APOB: variants seen among roughly 807,000 people sequenced by gnomAD.
APOB encodes apolipoprotein B-100.
APOB carries 153 observed loss-of-function variants against 314.1 expected under a neutral mutation model. The observed-to-expected ratio is 0.49, with a 90% CI of 0.43 to 0.56. APOB has a LOEUF of 0.56. APOB is among the 20% of genes least tolerant of loss of function. The pLI is 0.00. For missense variants in APOB, 5,430 were observed against 5,350.7 expected (o/e 1.01, Z -0.46); for synonymous variants, 2,087 against 2,036.4 (o/e 1.02, Z -0.67).
In APOB at chr2:21,033,194, G is replaced by A; in HGVS notation, c.1124+105C>T. 3 of 839,840 alleles carry A rather than the reference G, an allele frequency of 3.6e-6. No homozygotes were observed. In the South Asian group the frequency reaches 4.3e-5, roughly 12 times the overall value. The allele number at this position is 839,840 out of a possible 1,614,324, so 52.0% of individuals were successfully genotyped here. On this transcript the variant is annotated intron_variant, in intron 9 of 28. Coordinates refer to ENST00000233242, the MANE Select transcript of APOB (RefSeq NM_000384.3). ...AACTGATTGACTAATTGATTAACTG[G>A]ATTGATATCCAAATGGTCCCTGAGA... is the stretch of plus-strand genomic sequence containing the variant.
At position 21,006,498 on chromosome 2, in the gene APOB, G is replaced by C. The variant is rs778985735; in HGVS notation, c.10370C>G (p.Ser3457Cys). 22 of 1,614,108 alleles carry C rather than the reference G, an allele frequency of 1.4e-5. No homozygotes were observed. The highest frequency in any genetic ancestry group is 1.3e-5 in the Non-Finnish European group (15 of 1,179,976). Reference sequence around the variant, plus strand: ...ATTGAAATCATACTTAAATTCCATGGAGGAAGAGACAGTAGGTTTTGACTT... The same window carrying C: ...ATTGAAATCATACTTAAATTCCATGCAGGAAGAGACAGTAGGTTTTGACTT... ...NTKSKPTVSS[S>C]MEFKYDFNSS... is the part of the protein sequence containing the mutation. The change falls in exon 26 of 29, where the codon TCC (serine) becomes TGC (cysteine). Residue 3457 changes from serine to cysteine, a missense_variant. This residue lies in a region of APOB where 3,281 missense variants were observed against 3,171.0 expected (regional missense o/e 1.03). Coordinates refer to ENST00000233242, the MANE Select transcript of APOB (RefSeq NM_000384.3).
In APOB at chr2:21,004,668, T is replaced by A. The variant is rs1387927841; in HGVS notation, c.11796A>T (p.Gly3932=). The change falls in exon 27 of 29, where the codon GGA becomes GGT. Residue 3932 remains glycine, a synonymous_variant. Coordinates refer to ENST00000233242, the MANE Select transcript of APOB (RefSeq NM_000384.3). ...QFLEYELNVL[G]THKIEDGTLA... ...ACGTACCATCTTCGATTTTGTGTGT[T>A]CCCAAAACTGTATAGGAGAGATTTT... The A allele has an allele frequency of 6.2e-7, 1 of 1,611,466 alleles. No individual in the cohort carries two copies. The highest frequency in any genetic ancestry group is 1.7e-5 in the Admixed American group (1 of 60,004).
chr2:21,035,969 C>A (rs1029451142), intron 6 of APOB, among the ~76,000 whole-genome samples: 1 of 152,240 alleles, frequency 6.6e-6, no homozygotes, highest in Admixed American at 6.5e-5. Flanking sequence ...CATCCCACCA[C>A]ATAGCCCCTC....
At chr2:21,015,705 CA>C (rs1443182935) in intron 21 of APOB, among the ~76,000 whole-genome samples, 160 bp from the exon 22 acceptor site, 1 of 152,118 alleles carries the variant, frequency 6.6e-6, no homozygotes, top group Non-Finnish European at 1.5e-5. Context: ...AGCCAACATT[CA>C]GCACAAATTA....
At chr2:21,024,849 G>C (rs1421476779) in intron 16 of APOB, 84 bp downstream of exon 16, 6 of 1,424,502 alleles carry the variant, frequency 4.2e-6, no homozygotes, top group Non-Finnish European at 5.0e-6. Flanking sequence ...GGCTTGTGCA[G>C]CTGGGATCGT....
intron 18 of APOB, among the ~76,000 whole-genome samples, chr2:21,021,486 T>G (rs11676704): frequency 0.14 from 20,884 of 152,152 alleles, 1,819 homozygotes; most frequent in East Asian, 0.35. Flanking sequence ...CCCTATCTTA[T>G]TTCTGCTCCC....
chr2:21,033,608 G>T lies in APOB; in HGVS notation c.905-90C>A, dbSNP rs1572799436. 1.5e-5 allele frequency: 17 copies of T among 1,099,352 alleles called. No homozygotes were observed. In the South Asian group the frequency reaches 2.1e-4, roughly 14 times the overall value. The allele number at this position is 1,099,352 out of a possible 1,614,324, so 68.1% of individuals were successfully genotyped here. A position where few individuals can be genotyped will look rare whatever the true frequency, so the allele number is the denominator to read the frequency against. On this transcript the variant is annotated intron_variant, in intron 8 of 28. Transcript: ENST00000233242. ...GGAAGCTGGAAATTGTGGAGTATCA[G>T]CACAGGGGAAAAGGGAAAGAAACTA...
Position 21,006,365 on chromosome 2 carries a change from C to A in APOB, c.10503G>T (p.Lys3501Asn). The A allele has an allele frequency of 6.2e-7, 1 of 1,613,998 alleles. No homozygotes were observed. Among genetic ancestry groups the A allele is most frequent in the Non-Finnish European group, 8.5e-7 (1 of 1,179,940 alleles). The change falls in exon 26 of 29, where the codon AAG (lysine) becomes AAT (asparagine). Residue 3501 changes from lysine (K) to asparagine (N), a missense_variant. Around this residue, in one of 3 missense-constraint regions of APOB, gnomAD observed 3,281 missense variants for 3,171.0 expected, o/e 1.03. Coordinates refer to ENST00000233242, the MANE Select transcript of APOB (RefSeq NM_000384.3). The stretch of plus-strand genomic sequence containing the variant: ...AATATTCCCGAGAAAGAACCGAACC[C>A]TTGACATCTCCTTTGGTAGATGACT... ...SIESSTKGDVKGSVLSREYSG... is the reference protein window; with the variant it reads ...SIESSTKGDVNGSVLSREYSG...
In APOB at chr2:21,040,973, G is replaced by C. The variant is rs1257121382; in HGVS notation, c.348C>G (p.Thr116=). ...CTGCAGCAAACTCCTCAGAGTTCTT[G>C]GTTTTCTTCAGCAAGGCTTTGCCCT... ...NPEGKALLKK[T]KNSEEFAAAM... is the part of the protein sequence containing the mutation. The change falls in exon 4 of 29, where the codon ACC becomes ACG. Residue 116 remains threonine, a synonymous_variant. Transcript: ENST00000233242. The C allele has an allele frequency of 6.2e-7, 1 of 1,613,924 alleles. No individual in the cohort carries two copies. Among genetic ancestry groups the C allele is most frequent in the Admixed American group, 1.7e-5 (1 of 60,002 alleles).
In APOB at chr2:21,023,697, A is replaced by G. The variant is rs1042642378; in HGVS notation, c.2437-5T>C. 7 of 1,603,492 alleles carry G rather than the reference A, an allele frequency of 4.4e-6. No homozygotes were observed. Among genetic ancestry groups the G allele is most frequent in the Non-Finnish European group, 6.0e-6 (7 of 1,172,948 alleles). ...CTTCCTGATGACCTCTCCAATCTGT[A>G]GACCCAACAAGGGAGAGCAAATAAA... On this transcript the variant is annotated splice_polypyrimidine_tract_variant and splice_region_variant and intron_variant, in intron 16 of 28. Coordinates refer to ENST00000233242, the MANE Select transcript of APOB (RefSeq NM_000384.3).
chr2:21,030,906 C>T (rs1371354354), intron 10 of APOB, among the ~76,000 whole-genome samples: 3 of 152,122 alleles, frequency 2.0e-5, no homozygotes, highest in Non-Finnish European at 4.4e-5. Context: ...AATGAGATAA[C>T]ATCTTACAAG....
At position 21,043,920 on chromosome 2, in the gene APOB, AGCAGCGCG is replaced by A. The variant is rs1350042897; in HGVS notation, c.18_25del (p.Ala7GlyfsTer48). On this transcript the variant is annotated frameshift_variant, in exon 1 of 29. Coordinates refer to ENST00000233242, the MANE Select transcript of APOB (RefSeq NM_000384.3). LOFTEE classifies it high-confidence loss of function. ...CAGCGCAGGCAGCGCCAGCAGCGCC[AGCAGCGCG>A]GGCCTCGGCGGGTCCATCGCCAGCT... is the stretch of plus-strand genomic sequence containing the variant. 5.4e-4 allele frequency: 507 copies of A among 935,216 alleles called. No individual in the cohort carries two copies. Among genetic ancestry groups the A allele is most frequent in the Non-Finnish European group, 7.1e-4 (475 of 671,076 alleles). 57.9% of individuals were successfully genotyped at this position (935,216 alleles called of 1,614,324 possible). A position where few individuals can be genotyped will look rare whatever the true frequency, so the allele number is the denominator to read the frequency against.
At position 21,027,884 on chromosome 2, in the gene APOB, T is replaced by C. The variant is rs369491525; in HGVS notation, c.2011A>G (p.Ser671Gly). 1 of 1,614,110 alleles carries C rather than the reference T, an allele frequency of 6.2e-7. No individual in the cohort carries two copies. The highest frequency in any genetic ancestry group is 8.5e-7 in the Non-Finnish European group (1 of 1,180,046). The change falls in exon 14 of 29, where the codon AGC (serine) becomes GGC (glycine). Residue 671 changes from serine to glycine, a missense_variant. This residue lies in a region of APOB where 2,085 missense variants were observed against 2,079.7 expected (regional missense o/e 1.00). Transcript: ENST00000233242. ...GCAGTGAGGGTAGTTTTCAGCATGC[T>C]TTCTTTAGGAAGGTAGTTATTTGGA... ...FDPNNYLPKE[S>G]MLKTTLTAFG...
chr2:21,012,115 T>G lies in APOB; in HGVS notation c.4753A>C (p.Asn1585His). The stretch of plus-strand genomic sequence containing the variant: ...TTAGAGAAGGTCATATCCATCTTGT[T>G]AGAAGTGGCAAAGTTCTTATACTTC... ...NGKYKNFATSNKMDMTFSKQN... is the reference protein window; with the variant it reads ...NGKYKNFATSHKMDMTFSKQN... The change falls in exon 26 of 29, where the codon AAC becomes CAC. Residue 1585 changes from asparagine to histidine, a missense_variant. Physicochemically the swap from Asn to His is moderately conservative, Grantham distance 68 (BLOSUM62 1). This residue lies in a region of APOB where 2,085 missense variants were observed against 2,079.7 expected (regional missense o/e 1.00). Transcript: ENST00000233242. The G allele has an allele frequency of 6.2e-7, 1 of 1,610,278 alleles. No individual in the cohort carries two copies. Among genetic ancestry groups the G allele is most frequent in the Non-Finnish European group, 8.5e-7 (1 of 1,177,658 alleles).
At chr2:21,021,723 C>T (rs190387837) in intron 18 of APOB, among the ~76,000 whole-genome samples, 18 of 152,228 alleles carry the variant, frequency 1.2e-4, no homozygotes, top group Non-Finnish European at 2.6e-4. Flanking sequence ...GACTCTGACA[C>T]AGTCCTCAGT....
At chr2:21,041,896 G>A (rs915142086) in intron 3 of APOB, among the ~76,000 whole-genome samples, 2 of 152,120 alleles carry the variant, frequency 1.3e-5, no homozygotes, top group Non-Finnish European at 2.9e-5. Context: ...TCAATAATAA[G>A]CAAAGTTTTA....
chr2:21,012,746 T>C (rs1015818094), intron 25 of APOB, 95 bp from the exon 26 acceptor site: 1 of 1,387,380 alleles, frequency 7.2e-7, no homozygotes, highest in African/African-American at 1.4e-5. Flanking sequence ...AGCCCCATTT[T>C]TCTGGGCCAA....
chr2:21,030,161 A>C (rs1157394011), intron 10 of APOB, 146 bp from the exon 11 acceptor site: 1 of 658,654 alleles, frequency 1.5e-6, no homozygotes, highest in East Asian at 2.7e-5. Flanking sequence ...TTAAGCAAAA[A>C]GAACATAGCT....
chr2:21,019,938 C>A (rs1481905098), intron 18 of APOB, 33 bp from the exon 19 acceptor site: 1 of 1,606,504 alleles, frequency 6.2e-7, no homozygotes, highest in Admixed American at 1.7e-5. Flanking sequence ...GAGTTATTGC[C>A]AAGTCATGAA....
Sources: allele counts gnomAD v4.1 joint callset (sites outside exome capture counted in the v4.1 genomes callset), GRCh38; gene constraint gnomAD v4.1.1; regional missense constraint gnomAD v4.1.1; transcripts MANE v1.5; gene names NCBI Gene and HGNC (gene_info 2026-07-23, HGNC 2026-07-21).